Variants in HIPK3 observed in about 807,000 individuals in gnomAD.
The protein encoded by HIPK3 is homeodomain interacting protein kinase 3, also known as homeodomain-interacting protein kinase 3.
In HIPK3, 47 loss-of-function variants were observed where a neutral mutation model predicts 124.2. The observed-to-expected ratio is 0.38, with a 90% confidence interval of 0.30 to 0.48. HIPK3 has a LOEUF of 0.48. Among genes scored for constraint, HIPK3 ranks in the 20% least tolerant of loss-of-function variants. The pLI, the probability that HIPK3 is intolerant of heterozygous loss-of-function variation, is 0.98. For synonymous variants in HIPK3, 482 were observed against 515.2 expected, an observed-to-expected ratio of 0.94 and a Z score of 0.87; for missense variants, 1,286 against 1,454.3, an observed-to-expected ratio of 0.88 and a Z score of 1.88.
intron 3 of HIPK3, 138 bp downstream of exon 3, chr11:33,328,771 A>G: frequency 1.5e-6 from 1 of 684,022 alleles, no homozygotes; most frequent in East Asian, 2.9e-5. Flanking sequence ...GATCTTGTAG[A>G]ATTGATTTTG....
At chr11:33,317,565 C>A (rs1356379535) in intron 2 of HIPK3, among the ~76,000 whole-genome samples, 1 of 152,150 alleles carries the variant, frequency 6.6e-6, no homozygotes, top group Non-Finnish European at 1.5e-5. Flanking sequence ...CTGCACCTGG[C>A]CAGTCTTATT....
intron 2 of HIPK3, among the ~76,000 whole-genome samples, chr11:33,295,210 C>T (rs953720289): frequency 1.1e-4 from 16 of 151,832 alleles, no homozygotes; most frequent in Non-Finnish European, 2.2e-4. Context: ...AGGCTGTGCC[C>T]AGGAGACCTC....
intron 1 of HIPK3, among the ~76,000 whole-genome samples, chr11:33,264,022 G>A (rs1014777470): frequency 2.0e-5 from 3 of 152,138 alleles, no homozygotes; most frequent in African/African-American, 4.8e-5. Context: ...GATACATCAT[G>A]TATGAATTAA....
intron 1 of HIPK3, among the ~76,000 whole-genome samples, chr11:33,268,439 CA>C (rs1306994685): frequency 6.6e-6 from 1 of 151,166 alleles, no homozygotes; most frequent in Non-Finnish European, 1.5e-5. Flanking sequence ...ATAAAAAATA[CA>C]ATTACCTGAG....
In HIPK3 at chr11:33,302,710, G is replaced by T. The variant is rs1483707734; in HGVS notation, c.1097+15199G>T. On this transcript the variant is annotated intron_variant, in intron 2 of 16. Coordinates refer to ENST00000303296, the MANE Select transcript of HIPK3 (RefSeq NM_005734.5). ...GATTTCAATAATATGAAGAAGATAA[G>T]AATAATAATATAATCAAATTTGCAT... Among the ~76,000 whole-genome samples the T allele has an allele frequency of 3.9e-5, 6 of 152,118 alleles. No homozygotes were observed. In the East Asian group the frequency reaches 5.8e-4, roughly 15 times the overall value.
rs1430402345 is a variant in HIPK3 at position 33,353,327 on chromosome 11, T to A, written c.3407T>A (p.Leu1136Gln). ...AGTAGTGCTGCACCAGTGGCCCACCTGTTAGCCTCTCCGTGTACCTCAAGA... is the reference window on the plus strand; with the variant it reads ...AGTAGTGCTGCACCAGTGGCCCACCAGTTAGCCTCTCCGTGTACCTCAAGA... ...TLSSAAPVAHLLASPCTSRPM... is the reference protein window; with the variant it reads ...TLSSAAPVAHQLASPCTSRPM... The change falls in exon 17 of 17, where the codon CTG (leucine) becomes CAG (glutamine). Residue 1136 changes from leucine to glutamine, a missense_variant. Transcript: ENST00000303296. 3 of 1,614,000 alleles carry A rather than the reference T, an allele frequency of 1.9e-6. No homozygotes were observed. In the African/African-American group the frequency reaches 4.0e-5, roughly 22 times the overall value.
intron 2 of HIPK3, among the ~76,000 whole-genome samples, chr11:33,319,684 T>C (rs1194020732): frequency 6.6e-6 from 1 of 152,216 alleles, no homozygotes; most frequent in Non-Finnish European, 1.5e-5. Flanking sequence ...CCTGAATGAA[T>C]GATGTATGCT....
At chr11:33,274,443 A>G (rs1310520582) in intron 1 of HIPK3, among the ~76,000 whole-genome samples, 1 of 152,200 alleles carries the variant, frequency 6.6e-6, no homozygotes, top group Non-Finnish European at 1.5e-5. Context: ...TCATAACCCA[A>G]ACTTAAAAAA....
chr11:33,342,381 A>G (rs773925149), intron 8 of HIPK3, among the ~76,000 whole-genome samples: 1 of 152,198 alleles, frequency 6.6e-6, no homozygotes, highest in Non-Finnish European at 1.5e-5. Context: ...AATTTTGGTC[A>G]AAAGAGTTTT....
In HIPK3 at chr11:33,277,640, T is replaced by C. The variant is rs1016091060; in HGVS notation, c.-2-8773T>C. ...ACTACATATAGTGCTGCAGTGAACA[T>C]TAATTTACCTGTTTCTTTGTGCATA... On this transcript the variant is annotated intron_variant, in intron 1 of 16. Transcript: ENST00000303296. Among the ~76,000 whole-genome samples the C allele has an allele frequency of 2.4e-4, 37 of 152,344 alleles. 1 individual carries two copies. The highest frequency in any genetic ancestry group is 7.9e-4 in the African/African-American group (33 of 41,584).
intron 2 of HIPK3, among the ~76,000 whole-genome samples, chr11:33,322,326 T>C (rs111806761): frequency 1.3e-5 from 2 of 152,100 alleles, no homozygotes; most frequent in African/African-American, 4.8e-5. Context: ...TTAGTACTAC[T>C]GTAACATAAA....
chr11:33,344,849 A>G (rs934576670), intron 8 of HIPK3, among the ~76,000 whole-genome samples: 6 of 152,178 alleles, frequency 3.9e-5, no homozygotes, highest in South Asian at 4.1e-4. Context: ...TAACGGGTAG[A>G]TGTTATATAG....
At chr11:33,279,381 G>A (rs1851355811) in intron 1 of HIPK3, among the ~76,000 whole-genome samples, 1 of 149,518 alleles carries the variant, frequency 6.7e-6, no homozygotes, top group Middle Eastern at 3.2e-3. Context: ...CATATGTAGT[G>A]TATGTAAGTT....
chr11:33,347,131 G>C (rs886358437), intron 8 of HIPK3, among the ~76,000 whole-genome samples, 162 bp from the exon 9 acceptor site: 3 of 151,592 alleles, frequency 2.0e-5, no homozygotes, highest in African/African-American at 7.3e-5. Flanking sequence ...CCACAGTATG[G>C]ATCATGCCAC....
intron 2 of HIPK3, among the ~76,000 whole-genome samples, chr11:33,318,211 G>GC (rs1565083020): frequency 6.6e-6 from 1 of 151,726 alleles, no homozygotes; most frequent in Non-Finnish European, 1.5e-5. Context: ...AAGTCCAATA[G>GC]TTTTTTTTCT....
At chr11:33,330,519 G>A (rs1852945720) in intron 3 of HIPK3, among the ~76,000 whole-genome samples, 1 of 152,098 alleles carries the variant, frequency 6.6e-6, no homozygotes, top group Non-Finnish European at 1.5e-5. Flanking sequence ...AGTAGAGATG[G>A]GGTTTCACCA....
intron 8 of HIPK3, among the ~76,000 whole-genome samples, chr11:33,343,580 T>G (rs1287301575): frequency 6.6e-6 from 1 of 152,162 alleles, no homozygotes; most frequent in Admixed American, 6.6e-5. Context: ...GCGCCCAGCC[T>G]CTGATTTTTT....
intron 3 of HIPK3, among the ~76,000 whole-genome samples, chr11:33,332,939 C>T (rs114198773): frequency 0.011 from 1,699 of 152,152 alleles, 25 homozygotes; most frequent in African/African-American, 0.038. Flanking sequence ...GGGGAGCAGG[C>T]GTTTCACATG....
At chr11:33,325,069 T>G (rs1590402251) in intron 2 of HIPK3, among the ~76,000 whole-genome samples, 1 of 152,372 alleles carries the variant, frequency 6.6e-6, no homozygotes. Context: ...TCAGGTTTTA[T>G]GTTTGAGTGG....
Sources: allele counts gnomAD v4.1 joint callset (sites outside exome capture counted in the v4.1 genomes callset), GRCh38; gene constraint gnomAD v4.1.1; transcripts MANE v1.5; gene names NCBI Gene and HGNC (gene_info 2026-07-23, HGNC 2026-07-21).